ZNF473: variants seen among roughly 807,000 people sequenced by gnomAD.
ZNF473 encodes the protein zinc finger protein 100 homolog.
A neutral mutation model predicts 11.1 loss-of-function variants in ZNF473; 4 were observed. The ratio of observed to expected loss-of-function variants is 0.36; its 90% CI spans 0.18 to 0.82. The LOEUF (loss-of-function observed/expected upper bound fraction) is 0.82, where lower values mean the gene tolerates loss of function less well. ZNF473 is among the 40% of genes least tolerant of loss of function. The pLI, the probability that ZNF473 is intolerant of heterozygous loss-of-function variation, is 0.49. For missense variants in ZNF473, 854 were observed against 1,084.0 expected (o/e 0.79, Z 2.98); for synonymous variants, 404 against 390.4 (o/e 1.03, Z -0.41).
In ZNF473 at chr19:50,031,109, C is replaced by T. The variant is rs1007282067; in HGVS notation, c.9+18C>T. On this transcript the variant is annotated intron_variant, in intron 2 of 4. Coordinates refer to ENST00000270617, the MANE Select transcript of ZNF473 (RefSeq NM_015428.4). ...TGGCTGAGGTGAGTTGAAGGTCGCT[C>T]TGTCCTAATCGGTCACACCCAAAGG... The T allele has an allele frequency of 1.3e-6, 2 of 1,564,142 alleles. No individual in the cohort carries two copies. The highest frequency in any genetic ancestry group is 1.4e-5 in the African/African-American group (1 of 73,558).
rs1568411202 is a variant in ZNF473, at chr19:50,045,583, T to C, written c.1140T>C (p.Cys380=). 1 of 1,614,096 alleles carries C rather than the reference T, an allele frequency of 6.2e-7. No homozygotes were observed. Residue 380 remains cysteine (C), a synonymous_variant, in exon 5 of 5, where the codon TGT becomes TGC. Transcript: ENST00000270617. ...AAKTTSECQE[C]GKIFRHSSLL... The stretch of plus-strand genomic sequence containing the variant: ...AAACTACCTCTGAGTGTCAGGAGTG[T>C]GGGAAGATTTTTAGGCACAGTTCGC...
Position 50,045,817 on chromosome 19 carries a change from C to G in ZNF473, c.1374C>G (p.Pro458=). 6.2e-7 allele frequency: 1 copy of G among 1,614,026 alleles called. No homozygotes were observed. Among genetic ancestry groups the G allele is most frequent in the South Asian group, 1.1e-5 (1 of 91,080 alleles). Residue 458 remains proline, a synonymous_variant, in exon 5 of 5, where the codon CCC becomes CCG. Transcript: ENST00000270617. ...EHRRIHTGYR[P]HKCQECVRSF... is the part of the protein sequence containing the mutation. ...GGCGAATTCATACAGGCTACAGACC[C>G]CACAAATGTCAGGAATGCGTCAGGA... is the stretch of plus-strand genomic sequence containing the variant.
In ZNF473 at chr19:50,044,684, A is replaced by G. The variant is rs773752027; in HGVS notation, c.241A>G (p.Lys81Glu). ...EATSPDVTETKNSPLMEDFFE... is the reference protein window; with the variant it reads ...EATSPDVTETENSPLMEDFFE... ...TGCTCTTTCAGATGTGACTGAGACC[A>G]AGAACTCTCCTCTGATGGAGGATTT... The change falls in exon 5 of 5, where the codon AAG (lysine) becomes GAG (glutamate). Residue 81 changes from lysine to glutamate, a missense_variant. Around this residue, in one of 2 missense-constraint regions of ZNF473, gnomAD observed 668 missense variants for 790.2 expected, o/e 0.85. Coordinates refer to ENST00000270617, the MANE Select transcript of ZNF473 (RefSeq NM_015428.4). 6.2e-7 allele frequency: 1 copy of G among 1,610,262 alleles called. No individual in the cohort carries two copies. Among genetic ancestry groups the G allele is most frequent in the African/African-American group, 1.3e-5 (1 of 74,684 alleles).
At position 50,045,795 on chromosome 19, in the gene ZNF473, G is replaced by A. The variant is rs769442586; in HGVS notation, c.1352G>A (p.Arg451Gln). 2.7e-5 allele frequency: 44 copies of A among 1,614,106 alleles called. No homozygotes were observed. In the East Asian group the frequency reaches 5.1e-4, roughly 19 times the overall value. ...CACACTCACCTTAATGAACATCGGC[G>A]AATTCATACAGGCTACAGACCCCAC... ...HRHTHLNEHRRIHTGYRPHKC... is the reference protein window; with the variant it reads ...HRHTHLNEHRQIHTGYRPHKC... Residue 451 changes from arginine to glutamine, a missense_variant, in exon 5 of 5, where the codon CGA (arginine) becomes CAA (glutamine). Around this residue, in one of 2 missense-constraint regions of ZNF473, gnomAD observed 668 missense variants for 790.2 expected, o/e 0.85. Transcript: ENST00000270617.
In ZNF473 at chr19:50,039,232, G is replaced by GGGGGACACGTTC; in HGVS notation, c.82_93dup (p.Gly28_Phe31dup). ...ACTGGGAGCAGCTCGGGCTGGAACAGGGGGACACGTTCTGGGACACAGCGT... is the reference window on the plus strand; with the variant it reads ...ACTGGGAGCAGCTCGGGCTGGAACAGGGGGACACGTTCGGGGACACGTTCTGGGACACAGCGT... On this transcript the variant is annotated inframe_insertion, in exon 3 of 5. Transcript: ENST00000270617. This position sits in a 1 kb window ranked among gnomAD's most constrained non-coding sequence, Gnocchi z 4.8. 2 of 1,614,142 alleles carry GGGGGACACGTTC rather than the reference G, an allele frequency of 1.2e-6. No individual in the cohort carries two copies. The highest frequency in any genetic ancestry group is 1.7e-6 in the Non-Finnish European group (2 of 1,179,982).
chr19:50,040,270 T>C (rs1027666943), intron 3 of ZNF473, among the ~76,000 whole-genome samples: 36 of 152,368 alleles, frequency 2.4e-4, no homozygotes, highest in Admixed American at 2.2e-3. Flanking sequence ...ACATGGGACA[T>C]GCTTAATTCC....
In ZNF473 at chr19:50,047,038, C is replaced by G; in HGVS notation, c.2595C>G (p.Asn865Lys). Residue 865 changes from asparagine (N) to lysine (K), a missense_variant, in exon 5 of 5, where the codon AAC becomes AAG. Transcript: ENST00000270617. Reference sequence around the variant, plus strand: ...TCAGCCGCCATCAGCGTGTACACAACAAGCAGCAATACTGCCTGTAGCCAT... The same window carrying G: ...TCAGCCGCCATCAGCGTGTACACAAGAAGCAGCAATACTGCCTGTAGCCAT... The part of the protein sequence containing the change: ...SSLSRHQRVH[N>K]KQQYCL The G allele has an allele frequency of 6.2e-7, 1 of 1,612,808 alleles. No individual in the cohort carries two copies.
intron 1 of ZNF473, among the ~76,000 whole-genome samples, chr19:50,028,002 A>T (rs1456332787): frequency 6.6e-6 from 1 of 151,884 alleles, no homozygotes; most frequent in African/African-American, 2.4e-5. Context: ...TTTTAAACTT[A>T]AATTTAATTT....
At chr19:50,031,155 T>A (rs1461906192) in intron 2 of ZNF473, 64 bp downstream of exon 2, 11 of 1,550,462 alleles carry the variant, frequency 7.1e-6, no homozygotes, top group Non-Finnish European at 9.6e-6. Context: ...GGCCTTCCTT[T>A]GTGGCCGAGG....
chr19:50,041,673 G>C (rs1978776884), intron 3 of ZNF473, 57 bp from the exon 4 acceptor site: 8 of 1,462,512 alleles, frequency 5.5e-6, no homozygotes. Flanking sequence ...TTCTCACTGA[G>C]TGTCTGGATG....
At chr19:50,030,131 G>A (rs747865530) in intron 1 of ZNF473, among the ~76,000 whole-genome samples, 7 of 152,130 alleles carry the variant, frequency 4.6e-5, no homozygotes, top group Non-Finnish European at 8.8e-5. Context: ...GATTACAGGC[G>A]TGAGCTACTG....
chr19:50,041,907 C>G, intron 4 of ZNF473, 88 bp downstream of exon 4: 2 of 1,050,552 alleles, frequency 1.9e-6, no homozygotes, highest in Non-Finnish European at 1.4e-6. Flanking sequence ...ACAGGTCTAC[C>G]GAGACATTAC....
intron 4 of ZNF473, among the ~76,000 whole-genome samples, chr19:50,043,748 A>G (rs1978917446): frequency 1.3e-5 from 2 of 152,094 alleles, no homozygotes; most frequent in Admixed American, 1.3e-4. Context: ...CTGTTATGGT[A>G]GAGGATGGTC....
intron 2 of ZNF473, among the ~76,000 whole-genome samples, chr19:50,036,581 C>T (rs1035986053): frequency 2.0e-5 from 3 of 151,476 alleles, no homozygotes; most frequent in Non-Finnish European, 2.9e-5. Flanking sequence ...GCCTTGGCCT[C>T]CCAAAGTGCT....
Position 50,047,746 on chromosome 19 carries a change from C to T in ZNF473, c.*687C>T, listed in dbSNP as rs565146074. 1 of 152,254 alleles carries T rather than the reference C, an allele frequency of 6.6e-6. No homozygotes were observed. Among genetic ancestry groups the T allele is most frequent in the Non-Finnish European group, 1.5e-5 (1 of 68,092 alleles). 9.4% of individuals were successfully genotyped at this position (152,254 alleles called of 1,614,324 possible). A position where few individuals can be genotyped will look rare whatever the true frequency, so the allele number is the denominator to read the frequency against. ...CTTCCACTCCTAACCTCCCAAGCTT[C>T]TCACTTAAAGAGGACTCCCTATCCC... On this transcript the variant is annotated 3_prime_UTR_variant, in exon 5 of 5. Coordinates refer to ENST00000270617, the MANE Select transcript of ZNF473 (RefSeq NM_015428.4).
At chr19:50,043,430 T>C (rs1373123655) in intron 4 of ZNF473, 95 of 68,982 alleles carry the variant, frequency 1.4e-3, no homozygotes, top group Middle Eastern at 8.9e-3. Context: ...AGACTCAGTC[T>C]CCAAAAAAAA....
At chr19:50,033,854 T>C in intron 2 of ZNF473, among the ~76,000 whole-genome samples, 1 of 152,186 alleles carries the variant, frequency 6.6e-6, no homozygotes. Flanking sequence ...TGTCTCCCTC[T>C]TATTAGGATC....
At position 50,045,985 on chromosome 19, in the gene ZNF473, A is replaced by G; in HGVS notation, c.1542A>G (p.Pro514=). The G allele has an allele frequency of 1.2e-6, 2 of 1,614,196 alleles. No individual in the cohort carries two copies. The highest frequency in any genetic ancestry group is 1.3e-5 in the African/African-American group (1 of 75,058). ...AGAAAATGCACACTGTCAAAACCCC[A>G]TATGAATGTCAGGAGTGCGGAGAAC... The part of the protein sequence containing the change: ...QHQKMHTVKT[P]YECQECGERF... Residue 514 remains proline, a synonymous_variant, in exon 5 of 5, where the codon CCA becomes CCG. Transcript: ENST00000270617.
chr19:50,043,720 G>C (rs751139416), intron 4 of ZNF473, among the ~76,000 whole-genome samples: 4 of 152,044 alleles, frequency 2.6e-5, no homozygotes, highest in Non-Finnish European at 5.9e-5. Context: ...AGGGTCAGGG[G>C]TCAGACCCTT....
Sources: gnomAD v4.1 joint callset for allele counts (sites outside exome capture counted in the v4.1 genomes callset) on GRCh38, gnomAD v4.1.1 for gene constraint, gnomAD v4.1.1 regional missense constraint, Gnocchi (gnomAD v3.1) non-coding constraint, MANE v1.5 for transcripts, NCBI Gene and HGNC (gene_info 2026-07-23, HGNC 2026-07-21) for gene names.